Variants in YAE1 observed in about 807,000 individuals in gnomAD.
The protein encoded by YAE1 is YAE1 maturation factor of ABCE1, also known as protein YAE1 homolog.
In YAE1, 22 loss-of-function variants were observed where a neutral mutation model predicts 23.0. The ratio of observed to expected loss-of-function variants is 0.96; its 90% confidence interval spans 0.68 to 1.37. The LOEUF (loss-of-function observed/expected upper bound fraction) is 1.37. Among genes scored for constraint, YAE1 ranks in the 40% most tolerant of loss-of-function variants. The pLI, the probability that YAE1 is intolerant of heterozygous loss-of-function variation, is 0.00. For missense variants in YAE1, 260 were observed against 262.1 expected, an observed-to-expected ratio of 0.99 and a Z score of 0.06; for synonymous variants, 101 against 97.0, an observed-to-expected ratio of 1.04 and a Z score of -0.24.
chr7:39,569,086 T>G (rs760065141), intron 1 of YAE1, among the ~76,000 whole-genome samples: 3 of 152,190 alleles, frequency 2.0e-5, no homozygotes, highest in Non-Finnish European at 4.4e-5. Flanking sequence ...AATGTAAATT[T>G]TCAAAACTCA....
intron 2 of YAE1, among the ~76,000 whole-genome samples, chr7:39,591,679 G>A (rs1224079235): frequency 6.6e-6 from 1 of 152,068 alleles, no homozygotes; most frequent in Non-Finnish European, 1.5e-5. Flanking sequence ...ACATTGATAC[G>A]TTATTATCTC....
chr7:39,598,820 C>T (rs368154989), intron 2 of YAE1, among the ~76,000 whole-genome samples: 1 of 147,848 alleles, frequency 6.8e-6, no homozygotes, highest in Non-Finnish European at 1.5e-5. Context: ...AAGAAGGCAA[C>T]AAAGAGAAGG....
chr7:39,589,322 G>A (rs1790866833), intron 2 of YAE1, among the ~76,000 whole-genome samples: 1 of 152,196 alleles, frequency 6.6e-6, no homozygotes, highest in Non-Finnish European at 1.5e-5. Flanking sequence ...GAACTCTAAA[G>A]TTAAAGTTTA....
At chr7:39,591,855 T>C (rs1017848797) in intron 2 of YAE1, among the ~76,000 whole-genome samples, 41 of 152,312 alleles carry the variant, frequency 2.7e-4, no homozygotes, top group African/African-American at 9.4e-4. Flanking sequence ...CCCTACCTAA[T>C]TCCTGGCAAC....
rs754733351 is a variant in YAE1 at position 39,570,547 on chromosome 7, T to C, written c.171T>C (p.Thr57=). The C allele has an allele frequency of 6.2e-7, 1 of 1,611,860 alleles. No individual in the cohort carries two copies. Among genetic ancestry groups the C allele is most frequent in the South Asian group, 1.1e-5 (1 of 90,412 alleles). ...GAATAGATGCTGGCAAAGCAGTTAC[T>C]CTTCAACAGGGCTTCAATCAAGGTT... is the stretch of plus-strand genomic sequence containing the variant. ...RDGIDAGKAV[T]LQQGFNQGYK... Residue 57 remains threonine, a synonymous_variant, in exon 2 of 3, where the codon ACT becomes ACC. Coordinates refer to ENST00000223273, the MANE Select transcript of YAE1 (RefSeq NM_020192.5).
intron 2 of YAE1, among the ~76,000 whole-genome samples, chr7:39,589,966 G>C (rs1461187582): frequency 2.0e-5 from 3 of 152,210 alleles, no homozygotes; most frequent in Admixed American, 6.5e-5. Context: ...TTGGGACTTA[G>C]AGGAAGAAAA....
chr7:39,598,647 C>T (rs1362619558), intron 2 of YAE1, among the ~76,000 whole-genome samples: 1 of 151,528 alleles, frequency 6.6e-6, no homozygotes, highest in Non-Finnish European at 1.5e-5. Flanking sequence ...TGTGGTGGCT[C>T]ATGCCTGTAG....
chr7:39,570,745 G>A lies in YAE1; in HGVS notation c.251+118G>A, dbSNP rs77382121. ...TTCCTGGTGCTAAATACACTAAAGC[G>A]TGTCGCAGATCATAGAATTATATTG... On this transcript the variant is annotated intron_variant, in intron 2 of 2. Transcript: ENST00000223273. 66 of 1,296,926 alleles carry A rather than the reference G, an allele frequency of 5.1e-5. 2 individuals are homozygous for A. The highest frequency in any genetic ancestry group is 4.6e-4 in the South Asian group (27 of 58,538). The allele number at this position is 1,296,926 out of a possible 1,614,324, so 80.3% of individuals were successfully genotyped here. A position where few individuals can be genotyped will look rare whatever the true frequency, so the allele number is the denominator to read the frequency against.
At chr7:39,578,883 A>G (rs1356531228) in intron 2 of YAE1, among the ~76,000 whole-genome samples, 2 of 152,238 alleles carry the variant, frequency 1.3e-5, no homozygotes, top group Non-Finnish European at 2.9e-5. Context: ...AAATTTTACA[A>G]TGAATAAGTT....
In YAE1 at chr7:39,572,470, G is replaced by A; in HGVS notation, c.445G>A (p.Glu149Lys). Reference sequence around the variant, plus strand: ...GGACCTTTGTCATGTAGTTCCAGCTGAGAAAAAGATTGATGAAGCTAAAGA... The same window carrying A: ...GGACCTTTGTCATGTAGTTCCAGCTAAGAAAAAGATTGATGAAGCTAAAGA... ...DMDLCHVVPA[E>K]KKIDEAKDER... The change falls in exon 3 of 3, where the codon GAG (glutamate) becomes AAG (lysine). Residue 149 changes from glutamate to lysine, a missense_variant. Glu to Lys is a moderately conservative substitution (Grantham distance 56). Coordinates refer to ENST00000223273, the MANE Select transcript of YAE1 (RefSeq NM_020192.5). 2 of 1,614,140 alleles carry A rather than the reference G, an allele frequency of 1.2e-6. No individual in the cohort carries two copies. Among genetic ancestry groups the A allele is most frequent in the Non-Finnish European group, 8.5e-7 (1 of 1,179,990 alleles).
chr7:39,609,418 C>G, intron 2 of YAE1: 4 of 668,008 alleles, frequency 6.0e-6, no homozygotes, highest in Non-Finnish European at 9.9e-6. Flanking sequence ...TGTGGGAACA[C>G]TGGTTATTAT....
At chr7:39,592,964 T>TTA (rs1790920976) in intron 2 of YAE1, among the ~76,000 whole-genome samples, 2 of 152,214 alleles carry the variant, frequency 1.3e-5, no homozygotes, top group African/African-American at 4.8e-5. Flanking sequence ...TATTTAAACC[T>TTA]CTTAATGCTG....
downstream of YAE1, among the ~76,000 whole-genome samples, chr7:39,575,537 G>GGAGAGAGA (rs56954676): frequency 0.014 from 1,812 of 131,004 alleles, 12 homozygotes; most frequent in Non-Finnish European, 0.019. Context: ...CTAAGATACA[G>GGAGAGAGA]GAGAGAGAGA....
chr7:39,590,875 C>A (rs1380393902), intron 2 of YAE1, among the ~76,000 whole-genome samples: 2 of 152,164 alleles, frequency 1.3e-5, no homozygotes, highest in Admixed American at 1.3e-4. Flanking sequence ...CTTCCTTTCC[C>A]ACTTCTCTAT....
At chr7:39,586,822 T>C (rs999723081) in intron 2 of YAE1, among the ~76,000 whole-genome samples, 1 of 152,166 alleles carries the variant, frequency 6.6e-6, no homozygotes, top group African/African-American at 2.4e-5. Context: ...TTGAGGGCTT[T>C]GTATGTTCCA....
chr7:39,580,690 C>T (rs1445850821), intron 2 of YAE1, among the ~76,000 whole-genome samples: 1 of 152,164 alleles, frequency 6.6e-6, no homozygotes, highest in African/African-American at 2.4e-5. Flanking sequence ...GTACAAGAAG[C>T]TAGTGATTAT....
intron 2 of YAE1, among the ~76,000 whole-genome samples, chr7:39,586,337 T>C (rs1299240779): frequency 6.7e-6 from 1 of 149,208 alleles, no homozygotes; most frequent in Non-Finnish European, 1.5e-5. Context: ...CATGCCCGGC[T>C]AATTTTTTGT....
chr7:39,589,647 A>C (rs1790874342), intron 2 of YAE1, among the ~76,000 whole-genome samples: 1 of 152,186 alleles, frequency 6.6e-6, no homozygotes, highest in South Asian at 2.1e-4. Flanking sequence ...ATAATCCATT[A>C]ATCCATTTTG....
At chr7:39,582,359 A>G (rs562546432) in intron 2 of YAE1, among the ~76,000 whole-genome samples, 1 of 152,284 alleles carries the variant, frequency 6.6e-6, no homozygotes, top group South Asian at 2.1e-4. Flanking sequence ...AAAAATAGTT[A>G]TTTTAACTAA....
Sources: gnomAD v4.1 joint callset for allele counts (sites outside exome capture counted in the v4.1 genomes callset) on GRCh38, gnomAD v4.1.1 for gene constraint, MANE v1.5 for transcripts, NCBI Gene and HGNC (gene_info 2026-07-23, HGNC 2026-07-21) for gene names.